Variants in CNTN5 observed in about 807,000 individuals in gnomAD.
CNTN5 encodes contactin-5.
Under a neutral mutation model 129.1 loss-of-function variants are expected in CNTN5, and 77 were observed. That is an observed-to-expected ratio of 0.60 (90% CI 0.50 to 0.72). The LOEUF is 0.72. Ranked by LOEUF, CNTN5 falls within the 30% of genes least tolerant of loss-of-function variation. The pLI, the probability that CNTN5 is intolerant of heterozygous loss-of-function variation, is 0.00. For missense variants in CNTN5, 1,478 were observed against 1,328.8 expected, an observed-to-expected ratio of 1.11 and a Z score of -1.75; for synonymous variants, 509 against 465.6, an observed-to-expected ratio of 1.09 and a Z score of -1.20.
At chr11:99,825,781 C>G (rs1946934962) in intron 4 of CNTN5, among the ~76,000 whole-genome samples, 1 of 151,878 alleles carries the variant, frequency 6.6e-6, no homozygotes, top group African/African-American at 2.4e-5. Flanking sequence ...AATAGACTTC[C>G]CTGTGGAAGT....
chr11:99,077,256 T>TATTG (rs1865613944), intron 1 of CNTN5, among the ~76,000 whole-genome samples: 2 of 152,242 alleles, frequency 1.3e-5, no homozygotes, highest in African/African-American at 4.8e-5. Flanking sequence ...TTAAGTGATA[T>TATTG]ATTGTTCCAG....
intron 3 of CNTN5, among the ~76,000 whole-genome samples, chr11:99,615,032 C>A (rs1307213690): frequency 6.8e-6 from 1 of 147,766 alleles, no homozygotes; most frequent in Non-Finnish European, 1.5e-5. Flanking sequence ...ATTATATATA[C>A]CTATTATATA....
intron 18 of CNTN5, among the ~76,000 whole-genome samples, chr11:100,286,534 C>A (rs1435209165): frequency 6.8e-6 from 1 of 148,012 alleles, no homozygotes; most frequent in African/African-American, 2.5e-5. Context: ...AACAGACCTG[C>A]AGCTGAGGGT....
At chr11:100,067,922 T>C (rs942577253) in intron 10 of CNTN5, among the ~76,000 whole-genome samples, 1 of 152,148 alleles carries the variant, frequency 6.6e-6, no homozygotes, top group African/African-American at 2.4e-5. Context: ...GAAAAATTTG[T>C]TTTGGAATCA....
chr11:99,612,816 G>T (rs1468796477), intron 3 of CNTN5, among the ~76,000 whole-genome samples: 1 of 152,156 alleles, frequency 6.6e-6, no homozygotes, highest in African/African-American at 2.4e-5. Context: ...GATTCAGAAT[G>T]CACTAAGACA....
At chr11:99,289,918 T>G (rs1275462510) in intron 1 of CNTN5, among the ~76,000 whole-genome samples, 1 of 151,866 alleles carries the variant, frequency 6.6e-6, no homozygotes, top group African/African-American at 2.4e-5. Context: ...TGCATATGCA[T>G]GATTATAGTC....
intron 1 of CNTN5, among the ~76,000 whole-genome samples, chr11:99,085,767 G>C (rs1411611618): frequency 2.0e-5 from 3 of 152,062 alleles, no homozygotes; most frequent in Non-Finnish European, 2.9e-5. Flanking sequence ...TAACATTTCA[G>C]TCAAGGATGG....
intron 2 of CNTN5, among the ~76,000 whole-genome samples, chr11:99,523,272 G>T (rs1253438449): frequency 1.3e-5 from 2 of 152,058 alleles, no homozygotes; most frequent in Non-Finnish European, 2.9e-5. Context: ...GAACATACTG[G>T]TACAGTAAAT....
chr11:99,420,094 A>G (rs1330949164), intron 2 of CNTN5, among the ~76,000 whole-genome samples: 1 of 152,086 alleles, frequency 6.6e-6, no homozygotes, highest in Non-Finnish European at 1.5e-5. Flanking sequence ...GTTAGAGGTG[A>G]TTTAGTGCAG....
chr11:100,158,839 CA>C (rs1205455029), intron 13 of CNTN5, among the ~76,000 whole-genome samples: 1 of 151,694 alleles, frequency 6.6e-6, no homozygotes, highest in Admixed American at 6.6e-5. Flanking sequence ...GCAAATATAC[CA>C]CTAATCTGTT....
intron 2 of CNTN5, among the ~76,000 whole-genome samples, chr11:99,498,995 T>C (rs906665365): frequency 2.0e-5 from 3 of 152,146 alleles, no homozygotes; most frequent in African/African-American, 7.2e-5. Flanking sequence ...ACCTCTGATG[T>C]TTGCAATCAC....
intron 13 of CNTN5, among the ~76,000 whole-genome samples, chr11:100,114,305 G>A (rs1945766292): frequency 6.6e-6 from 1 of 152,038 alleles, no homozygotes; most frequent in Non-Finnish European, 1.5e-5. Context: ...CCTAGAAGCT[G>A]TCATTGATCT....
intron 8 of CNTN5, among the ~76,000 whole-genome samples, chr11:99,979,480 A>T (rs1158563442): frequency 2.0e-5 from 3 of 152,214 alleles, no homozygotes; most frequent in Non-Finnish European, 4.4e-5. Flanking sequence ...GAAGTAGAAC[A>T]TCCCCAAACC....
chr11:99,333,969 C>CTG (rs1866110693), intron 2 of CNTN5, among the ~76,000 whole-genome samples: 1 of 63,154 alleles, frequency 1.6e-5, no homozygotes, highest in African/African-American at 1.0e-4. Context: ...CTCTCTCTCT[C>CTG]TCTCACACAC....
intron 1 of CNTN5, among the ~76,000 whole-genome samples, chr11:99,295,860 G>A (rs1018954462): frequency 2.8e-5 from 4 of 142,464 alleles, no homozygotes; most frequent in African/African-American, 1.1e-4. Flanking sequence ...TCTGGCCTGG[G>A]CGACAGAGCG....
At chr11:100,076,046 A>G (rs937146045) in intron 13 of CNTN5, among the ~76,000 whole-genome samples, 21 of 152,116 alleles carry the variant, frequency 1.4e-4, no homozygotes, top group Admixed American at 8.5e-4. Flanking sequence ...ATTGTTGCCT[A>G]TGACAGAATT....
intron 3 of CNTN5, among the ~76,000 whole-genome samples, chr11:99,815,655 C>T (rs1946563293): frequency 6.6e-6 from 1 of 152,092 alleles, no homozygotes; most frequent in Non-Finnish European, 1.5e-5. Context: ...TGTGCAGTGC[C>T]CTGTGTGGAG....
At chr11:99,913,174 A>G (rs1219936835) in intron 6 of CNTN5, among the ~76,000 whole-genome samples, 2 of 152,034 alleles carry the variant, frequency 1.3e-5, no homozygotes, top group African/African-American at 4.8e-5. Flanking sequence ...ACCTCCAAAG[A>G]AATTAACTCC....
chr11:99,440,837 C>G (rs910633514), intron 2 of CNTN5, among the ~76,000 whole-genome samples: 1 of 152,118 alleles, frequency 6.6e-6, no homozygotes, highest in African/African-American at 2.4e-5. Context: ...GATCATCACA[C>G]TAAATTGCAA....
Sources: gnomAD v4.1 joint callset for allele counts (sites outside exome capture counted in the v4.1 genomes callset) on GRCh38, gnomAD v4.1.1 for gene constraint, MANE v1.5 for transcripts, NCBI Gene and HGNC (gene_info 2026-07-23, HGNC 2026-07-21) for gene names.